The following C1QTNF4 variants were observed in gnomAD, a reference collection of about 807,000 sequenced individuals.
C1QTNF4 encodes complement C1q tumor necrosis factor-related protein 4.
In C1QTNF4, 12 loss-of-function variants were observed where a neutral mutation model predicts 14.6. That is an observed-to-expected ratio of 0.82 (90% CI 0.53 to 1.33). The LOEUF (loss-of-function observed/expected upper bound fraction) is 1.33. C1QTNF4 is among the 40% of genes most tolerant of loss of function. C1QTNF4 has a pLI of 0.00. For synonymous variants in C1QTNF4, 278 were observed against 246.6 expected (o/e 1.13, Z -1.19); for missense variants, 558 against 500.3 (o/e 1.12, Z -1.10).
At chr11:47,591,225 C>G (rs575921688) in intron 1 of C1QTNF4, among the ~76,000 whole-genome samples, 1 of 151,138 alleles carries the variant, frequency 6.6e-6, no homozygotes, top group South Asian at 2.1e-4. Context: ...ATTACAGGTG[C>G]GCACCATCAC....
chr11:47,593,318 T>C (rs2097276505), intron 1 of C1QTNF4, among the ~76,000 whole-genome samples: 1 of 152,206 alleles, frequency 6.6e-6, no homozygotes, highest in Non-Finnish European at 1.5e-5. Context: ...GAATGAGTCT[T>C]GGGATCCAGG....
At chr11:47,592,895 A>G (rs1196135582) in intron 1 of C1QTNF4, among the ~76,000 whole-genome samples, 2 of 152,144 alleles carry the variant, frequency 1.3e-5, no homozygotes, top group Non-Finnish European at 2.9e-5. Context: ...TTGCTAGCCA[A>G]CTGAATGCTG....
chr11:47,594,209 G>GGGCTGCGGGCTGCAGGCTGCA lies in C1QTNF4; in HGVS notation c.-88_-68dup, dbSNP rs1274102754. The GGGCTGCGGGCTGCAGGCTGCA allele has an allele frequency of 6.6e-6, 1 of 152,080 alleles. No homozygotes were observed. The highest frequency in any genetic ancestry group is 1.5e-5 in the Non-Finnish European group (1 of 68,036). 9.4% of individuals were successfully genotyped at this position (152,080 alleles called of 1,614,324 possible). ...AGCCCGCGATCTGGCTCCGGGCTGC[G>GGGCTGCGGGCTGCAGGCTGCA]GGCTGCGGGCTGCAGGCTGCAGGCT... is the stretch of plus-strand genomic sequence containing the variant. On this transcript the variant is annotated 5_prime_UTR_variant, in exon 1 of 2. Transcript: ENST00000302514.
chr11:47,590,582 A>C lies in C1QTNF4; in HGVS notation c.229T>G (p.Phe77Val). Residue 77 changes from phenylalanine (F) to valine (V), a missense_variant, in exon 2 of 2, where the codon TTC becomes GTC. Physicochemically the swap from Phe to Val is conservative, Grantham distance 50. Transcript: ENST00000302514. ...GCCTTGCCAGCCGTGAAGGAGAAGAAGTAGGCGCCGGGCACGCGGCAGCGA... is the reference window on the plus strand; with the variant it reads ...GCCTTGCCAGCCGTGAAGGAGAAGACGTAGGCGCCGGGCACGCGGCAGCGA... ...QFRCRVPGAYFFSFTAGKAPH... is the reference protein window; with the variant it reads ...QFRCRVPGAYVFSFTAGKAPH... 1 of 1,605,656 alleles carries C rather than the reference A, an allele frequency of 6.2e-7. No individual in the cohort carries two copies. Among genetic ancestry groups the C allele is most frequent in the Non-Finnish European group, 8.5e-7 (1 of 1,176,822 alleles).
upstream of C1QTNF4, chr11:47,594,774 G>C (rs2097277359): frequency 6.6e-6 from 1 of 152,334 alleles, no homozygotes; most frequent in Non-Finnish European, 1.5e-5. Flanking sequence ...AGTGGCCTTG[G>C]GGGAGAGGTC....
chr11:47,590,599 C>T lies in C1QTNF4; in HGVS notation c.212G>A (p.Arg71His). ...FDVATGQFRC[R>H]VPGAYFFSFT... ...GGAGAAGAAGTAGGCGCCGGGCACG[C>T]GGCAGCGAAACTGGCCGGTGGCCAC... The change falls in exon 2 of 2, where the codon CGC becomes CAC. Residue 71 changes from arginine (R) to histidine (H), a missense_variant. Arg to His is a conservative substitution (Grantham distance 29, BLOSUM62 0). Coordinates refer to ENST00000302514, the MANE Select transcript of C1QTNF4 (RefSeq NM_031909.3). The T allele has an allele frequency of 6.2e-7, 1 of 1,607,282 alleles. No homozygotes were observed. Among genetic ancestry groups the T allele is most frequent in the Non-Finnish European group, 8.5e-7 (1 of 1,177,638 alleles).
In C1QTNF4 at chr11:47,589,831, T is replaced by TCCGAGGCC. The variant is rs1270757405; in HGVS notation, c.972_979dup (p.Glu327GlyfsTer46). On this transcript the variant is annotated frameshift_variant, in exon 2 of 2. Transcript: ENST00000302514. LOFTEE classifies it high-confidence loss of function. The stretch of plus-strand genomic sequence containing the variant: ...TCTCTGGCCCGGGGCTCACAGTAGC[T>TCCGAGGCC]CCGAGGCCCCGAGGCCCGGCGGGGC... 10 of 1,540,990 alleles carry TCCGAGGCC rather than the reference T, an allele frequency of 6.5e-6. No individual in the cohort carries two copies. Among genetic ancestry groups the TCCGAGGCC allele is most frequent in the Admixed American group, 2.0e-5 (1 of 49,692 alleles).
In C1QTNF4 at chr11:47,589,787, C is replaced by A; in HGVS notation, c.*34G>T. ...TCCGGCCCGGCCTGGCATGCACGCC[C>A]CTGGCCCTCCCGGGCTCTTCTCTGG... On this transcript the variant is annotated 3_prime_UTR_variant, in exon 2 of 2. Coordinates refer to ENST00000302514, the MANE Select transcript of C1QTNF4 (RefSeq NM_031909.3). The A allele has an allele frequency of 1.4e-6, 2 of 1,473,552 alleles. No individual in the cohort carries two copies. Among genetic ancestry groups the A allele is most frequent in the South Asian group, 1.4e-5 (1 of 71,710 alleles). The allele number at this position is 1,473,552 out of a possible 1,614,324, so 91.3% of individuals were successfully genotyped here. A position where few individuals can be genotyped will look rare whatever the true frequency, so the allele number is the denominator to read the frequency against.
In C1QTNF4 at chr11:47,589,878, C is replaced by T. The variant is rs1309079317; in HGVS notation, c.933G>A (p.Val311=). The T allele has an allele frequency of 6.4e-7, 1 of 1,559,208 alleles. No homozygotes were observed. Among genetic ancestry groups the T allele is most frequent in the South Asian group, 1.2e-5 (1 of 85,714 alleles). ...GKYITFSGFL[V]YPDLAPAAPP... ...GGGCGGCGGGGGCGAGGTCGGGGTA[C>T]ACCAGGAAGCCGGAGAAGGTGATGT... The change falls in exon 2 of 2, where the codon GTG becomes GTA. Residue 311 remains valine, a synonymous_variant. Transcript: ENST00000302514.
chr11:47,590,879 C>G, intron 1 of C1QTNF4, 64 bp from the exon 2 acceptor site: 2 of 1,431,388 alleles, frequency 1.4e-6, no homozygotes, highest in East Asian at 5.1e-5. Context: ...ACGCCCGGCT[C>G]TCCACCGGGA....
At chr11:47,594,418 G>A (rs906402144), upstream of C1QTNF4, 3 of 152,134 alleles carry the variant, frequency 2.0e-5, no homozygotes, top group Admixed American at 2.0e-4. Context: ...AGAGGCGGGG[G>A]AGAGACGGGA....
chr11:47,590,871 G>A, intron 1 of C1QTNF4, 56 bp from the exon 2 acceptor site: 3 of 1,432,518 alleles, frequency 2.1e-6, no homozygotes, highest in Admixed American at 2.9e-5. Context: ...GCTTCCAAAC[G>A]CCCGGCTCTC....
In C1QTNF4 at chr11:47,590,407, C is replaced by T. The variant is rs1484175530; in HGVS notation, c.404G>A (p.Arg135Gln). ...QLDYGDTVWL[R>Q]LHGAPQYALG... ...CGCGTACTGCGGGGCGCCATGCAGC[C>T]GCAGCCACACTGTGTCGCCGTAGTC... is the stretch of plus-strand genomic sequence containing the variant. Residue 135 changes from arginine (R) to glutamine (Q), a missense_variant, in exon 2 of 2, where the codon CGG becomes CAG. By Grantham distance (43) the Arg-to-Gln change is conservative. Coordinates refer to ENST00000302514, the MANE Select transcript of C1QTNF4 (RefSeq NM_031909.3). 1 of 1,487,490 alleles carries T rather than the reference C, an allele frequency of 6.7e-7. No homozygotes were observed. The highest frequency in any genetic ancestry group is 2.5e-5 in the East Asian group (1 of 39,796). 92.1% of individuals were successfully genotyped at this position (1,487,490 alleles called of 1,614,324 possible). A position where few individuals can be genotyped will look rare whatever the true frequency, so the allele number is the denominator to read the frequency against.
rs1461741671 is a variant in C1QTNF4 at position 47,590,047 on chromosome 11, T to C, written c.764A>G (p.Gln255Arg). 4 of 1,612,600 alleles carry C rather than the reference T, an allele frequency of 2.5e-6. No individual in the cohort carries two copies. Among genetic ancestry groups the C allele is most frequent in the Admixed American group, 1.7e-5 (1 of 59,946 alleles). ...VKLMKNRDEV[Q>R]AMIYDDGASR... ...CGCGCCGTCGTCGTAAATCATGGCCTGCACCTCGTCGCGGTTCTTCATCAG... is the reference window on the plus strand; with the variant it reads ...CGCGCCGTCGTCGTAAATCATGGCCCGCACCTCGTCGCGGTTCTTCATCAG... The change falls in exon 2 of 2, where the codon CAG (glutamine) becomes CGG (arginine). Residue 255 changes from glutamine to arginine, a missense_variant. Coordinates refer to ENST00000302514, the MANE Select transcript of C1QTNF4 (RefSeq NM_031909.3).
At chr11:47,591,636 C>T (rs2097275741) in intron 1 of C1QTNF4, among the ~76,000 whole-genome samples, 2 of 152,238 alleles carry the variant, frequency 1.3e-5, no homozygotes, top group South Asian at 4.1e-4. Flanking sequence ...GATCCGCCTG[C>T]CTCGGCCTCC....
rs2097274388 is a variant in C1QTNF4 at position 47,590,088 on chromosome 11, C to G, written c.723G>C (p.Lys241Asn). The part of the protein sequence containing the change: ...FSFTLGKLPR[K>N]TLSVKLMKNR... ...TCTTCATCAGCTTAACCGACAGCGT[C>G]TTACGCGGCAGCTTGCCCAGCGTGA... The change falls in exon 2 of 2, where the codon AAG becomes AAC. Residue 241 changes from lysine to asparagine, a missense_variant. By Grantham distance (94) the Lys-to-Asn change is moderately conservative. Coordinates refer to ENST00000302514, the MANE Select transcript of C1QTNF4 (RefSeq NM_031909.3). 1 of 1,612,462 alleles carries G rather than the reference C, an allele frequency of 6.2e-7. No homozygotes were observed. Among genetic ancestry groups the G allele is most frequent in the African/African-American group, 1.3e-5 (1 of 74,862 alleles).
At chr11:47,592,189 T>A (rs1264553712) in intron 1 of C1QTNF4, among the ~76,000 whole-genome samples, 1 of 152,126 alleles carries the variant, frequency 6.6e-6, no homozygotes, top group Admixed American at 6.5e-5. Flanking sequence ...CAGCAACAAT[T>A]CCAGCAGGGC....
Position 47,590,759 on chromosome 11 carries a change from C to T in C1QTNF4, c.52G>A (p.Gly18Ser), listed in dbSNP as rs2097275132. 3 of 1,584,100 alleles carry T rather than the reference C, an allele frequency of 1.9e-6. No individual in the cohort carries two copies. The highest frequency in any genetic ancestry group is 2.6e-6 in the Non-Finnish European group (3 of 1,166,882). ...LLGPAACWAL[G>S]PTPGPGSSEL... Reference sequence around the variant, plus strand: ...GAGGATCCCGGGCCGGGGGTCGGGCCCAGGGCCCAGCAGGCCGCTGGGCCC... The same window carrying T: ...GAGGATCCCGGGCCGGGGGTCGGGCTCAGGGCCCAGCAGGCCGCTGGGCCC... The change falls in exon 2 of 2, where the codon GGC (glycine) becomes AGC (serine). Residue 18 changes from glycine to serine, a missense_variant. Gly to Ser is a moderately conservative substitution (Grantham distance 56). Coordinates refer to ENST00000302514, the MANE Select transcript of C1QTNF4 (RefSeq NM_031909.3).
rs1469186064 is a variant in C1QTNF4 at position 47,590,280 on chromosome 11, C to T, written c.531G>A (p.Ser177=). The T allele has an allele frequency of 1.6e-5, 20 of 1,230,710 alleles. No homozygotes were observed. The highest frequency in any genetic ancestry group is 2.0e-5 in the Non-Finnish European group (20 of 982,470). The allele number at this position is 1,230,710 out of a possible 1,614,324, so 76.2% of individuals were successfully genotyped here. Reference sequence around the variant, plus strand: ...TGCGCGTGCGCGCCGCCGAGAAGGCCGAGCGCGGCTCGGGGGGCGCGGGCG... The same window carrying T: ...TGCGCGTGCGCGCCGCCGAGAAGGCTGAGCGCGGCTCGGGGGGCGCGGGCG... ...RGPPAPPEPR[S]AFSAARTRSL... is the part of the protein sequence containing the mutation. The change falls in exon 2 of 2, where the codon TCG becomes TCA. Residue 177 remains serine, a synonymous_variant. Coordinates refer to ENST00000302514, the MANE Select transcript of C1QTNF4 (RefSeq NM_031909.3).
Sources: allele counts gnomAD v4.1 joint callset (sites outside exome capture counted in the v4.1 genomes callset), GRCh38; gene constraint gnomAD v4.1.1; transcripts MANE v1.5; gene names NCBI Gene and HGNC (gene_info 2026-07-23, HGNC 2026-07-21).